LSAMP: variants seen among roughly 807,000 people sequenced by gnomAD.
The protein encoded by LSAMP is limbic system-associated membrane protein.
In LSAMP, 7 loss-of-function variants were observed where a neutral mutation model predicts 38.6. The observed-to-expected ratio is 0.18, with a 90% confidence interval of 0.10 to 0.34. The LOEUF (loss-of-function observed/expected upper bound fraction) is 0.34, where lower values mean the gene tolerates loss of function less well. Among genes scored for constraint, LSAMP ranks in the 10% least tolerant of loss-of-function variants. The pLI is 1.00. For synonymous variants in LSAMP, 154 were observed against 166.8 expected (o/e 0.92, Z 0.59); for missense variants, 313 against 420.0 (o/e 0.75, Z 2.23).
At chr3:116,039,333 GC>G (rs1941115685) in intron 2 of LSAMP, among the ~76,000 whole-genome samples, 1 of 152,128 alleles carries the variant, frequency 6.6e-6, no homozygotes, top group Non-Finnish European at 1.5e-5. Flanking sequence ...TCTGCACATG[GC>G]AAAAAATGCT....
At chr3:116,356,456 G>A (rs1276420781) in intron 1 of LSAMP, among the ~76,000 whole-genome samples, 2 of 152,130 alleles carry the variant, frequency 1.3e-5, no homozygotes, top group African/African-American at 2.4e-5. Context: ...AGTGGGTGGT[G>A]GGAAATGGGG....
chr3:115,857,087 T>C (rs1031828047), intron 3 of LSAMP, among the ~76,000 whole-genome samples: 5 of 152,324 alleles, frequency 3.3e-5, no homozygotes, highest in African/African-American at 1.2e-4. Context: ...CACAGGGGCA[T>C]CTCTGGCCAT....
intron 6 of LSAMP, chr3:115,841,624 C>A: frequency 2.3e-6 from 1 of 427,824 alleles, no homozygotes; most frequent in Non-Finnish European, 4.0e-6. Flanking sequence ...AAACAAACAA[C>A]AAGGCAGTTA....
intron 1 of LSAMP, among the ~76,000 whole-genome samples, chr3:116,306,846 G>A (rs1452304636): frequency 6.6e-6 from 1 of 151,988 alleles, no homozygotes. Context: ...ATATCAGCAG[G>A]CATGTCTCTA....
At chr3:116,318,377 G>T (rs941357783) in intron 1 of LSAMP, among the ~76,000 whole-genome samples, 1 of 152,024 alleles carries the variant, frequency 6.6e-6, no homozygotes, top group Non-Finnish European at 1.5e-5. Context: ...CACACCAGGA[G>T]GAGAAAAGGG....
intron 3 of LSAMP, among the ~76,000 whole-genome samples, chr3:115,974,278 G>A (rs1939113612): frequency 6.6e-6 from 1 of 151,922 alleles, no homozygotes; most frequent in South Asian, 2.1e-4. Context: ...CGGGAAGAGG[G>A]AGTTGCAGTG....
rs575274778 is a variant in LSAMP at position 116,222,981 on chromosome 3, G to A, written c.156-136425C>T. ...TCTCGATCTCCTGACCTCGTGATCCGCCTGCCTCGGCCTCCCAAAGTGCTG... is the reference window on the plus strand; with the variant it reads ...TCTCGATCTCCTGACCTCGTGATCCACCTGCCTCGGCCTCCCAAAGTGCTG... On this transcript the variant is annotated intron_variant, in intron 1 of 6. Transcript: ENST00000490035. Among the ~76,000 whole-genome samples, 53 of 151,074 alleles carry A rather than the reference G, an allele frequency of 3.5e-4. No homozygotes were observed. In the South Asian group the frequency reaches 5.0e-3, roughly 14 times the overall value.
chr3:115,827,236 A>G, intron 6 of LSAMP, among the ~76,000 whole-genome samples: 1 of 152,166 alleles, frequency 6.6e-6, no homozygotes, highest in Non-Finnish European at 1.5e-5. Context: ...CAAGTTTCCA[A>G]CATAAAACAT....
At chr3:116,250,545 T>C (rs2046666993) in intron 1 of LSAMP, among the ~76,000 whole-genome samples, 1 of 151,896 alleles carries the variant, frequency 6.6e-6, no homozygotes, top group African/African-American at 2.4e-5. Context: ...ATGTCTAAGG[T>C]TGTGATTTAA....
At chr3:116,207,936 G>C (rs1274819480) in intron 1 of LSAMP, among the ~76,000 whole-genome samples, 3 of 148,636 alleles carry the variant, frequency 2.0e-5, no homozygotes, top group African/African-American at 7.4e-5. Context: ...TCCTGAATCT[G>C]AACGTTGGCC....
intron 6 of LSAMP, among the ~76,000 whole-genome samples, chr3:115,841,348 T>C (rs1191310624): frequency 3.3e-5 from 5 of 152,252 alleles, no homozygotes; most frequent in African/African-American, 4.8e-5. Context: ...TATCATTTAT[T>C]CCACCCTTCC....
At chr3:116,167,992 T>C (rs767955543) in intron 1 of LSAMP, among the ~76,000 whole-genome samples, 3 of 152,162 alleles carry the variant, frequency 2.0e-5, no homozygotes, top group Non-Finnish European at 4.4e-5. Flanking sequence ...AAGAGTAGAA[T>C]TGAAGAAGGA....
At chr3:115,940,445 C>T (rs529708031) in intron 3 of LSAMP, among the ~76,000 whole-genome samples, 66 of 149,232 alleles carry the variant, frequency 4.4e-4, no homozygotes, top group African/African-American at 1.5e-3. Context: ...AGACACAGAG[C>T]GCTGATTGGT....
chr3:116,371,508 A>G (rs1353877509), intron 1 of LSAMP, among the ~76,000 whole-genome samples: 2 of 152,124 alleles, frequency 1.3e-5, no homozygotes, highest in Admixed American at 6.6e-5. Flanking sequence ...AAAACAATCA[A>G]CATACTAGTA....
At chr3:116,275,530 T>C (rs1178678422) in intron 1 of LSAMP, among the ~76,000 whole-genome samples, 1 of 107,532 alleles carries the variant, frequency 9.3e-6, no homozygotes, top group Non-Finnish European at 2.4e-5. Context: ...TTATTAAGCA[T>C]GACAACAATA....
At chr3:115,984,733 T>C (rs965133225) in intron 3 of LSAMP, among the ~76,000 whole-genome samples, 5 of 152,216 alleles carry the variant, frequency 3.3e-5, no homozygotes, top group African/African-American at 1.2e-4. Context: ...GTACACACTA[T>C]AGTGCAGTAG....
chr3:115,982,314 C>T (rs1038661891), intron 3 of LSAMP, among the ~76,000 whole-genome samples: 3 of 152,206 alleles, frequency 2.0e-5, no homozygotes, highest in Non-Finnish European at 4.4e-5. Flanking sequence ...GATGGCATGA[C>T]TCCCGTTCCA....
chr3:116,109,745 GAGA>G (rs776573401), intron 1 of LSAMP, among the ~76,000 whole-genome samples: 5 of 152,052 alleles, frequency 3.3e-5, no homozygotes, highest in East Asian at 1.9e-4. Context: ...CAGGCTGAGG[GAGA>G]AGGAGGAGGA....
chr3:115,999,653 AGGT>A (rs1317613051), intron 3 of LSAMP, among the ~76,000 whole-genome samples: 1 of 152,190 alleles, frequency 6.6e-6, no homozygotes, highest in African/African-American at 2.4e-5. Context: ...AGAATCCTGA[AGGT>A]GGTTTGGTAA....
Sources: allele counts gnomAD v4.1 joint callset (sites outside exome capture counted in the v4.1 genomes callset), GRCh38; gene constraint gnomAD v4.1.1; transcripts MANE v1.5; gene names NCBI Gene and HGNC (gene_info 2026-07-23, HGNC 2026-07-21).